TSHZ2: variants seen among roughly 807,000 people sequenced by gnomAD.
The protein encoded by TSHZ2 is teashirt zinc finger homeobox 2.
In TSHZ2, 21 loss-of-function variants were observed where a neutral mutation model predicts 74.4. The observed-to-expected ratio is 0.28, with a 90% confidence interval of 0.20 to 0.41. TSHZ2 has a LOEUF of 0.41. Ranked by LOEUF, TSHZ2 falls within the 10% of genes least tolerant of loss-of-function variation. TSHZ2 has a pLI of 1.00. For synonymous variants in TSHZ2, 540 were observed against 515.3 expected (o/e 1.05, Z -0.65); for missense variants, 1,244 against 1,293.5 (o/e 0.96, Z 0.59).
At chr20:53,108,698 A>G (rs569609694) in intron 1 of TSHZ2, among the ~76,000 whole-genome samples, 2 of 152,346 alleles carry the variant, frequency 1.3e-5, no homozygotes, top group South Asian at 2.1e-4. Flanking sequence ...TTATTTCTAG[A>G]TGATTAATCT....
intron 1 of TSHZ2, among the ~76,000 whole-genome samples, chr20:53,079,794 A>G (rs1568749491): frequency 6.6e-6 from 1 of 151,206 alleles, no homozygotes. Context: ...GATAGCTACT[A>G]TAGCTACTAG....
intron 1 of TSHZ2, among the ~76,000 whole-genome samples, chr20:53,047,412 G>T (rs1984266917): frequency 6.6e-6 from 1 of 152,138 alleles, no homozygotes; most frequent in Admixed American, 6.5e-5. Flanking sequence ...GGCTGCCCTG[G>T]ATTCTACCAT....
chr20:53,374,923 G>GA (rs11475187), intron 2 of TSHZ2, among the ~76,000 whole-genome samples: 1,310 of 123,302 alleles, frequency 0.011, 10 homozygotes, highest in African/African-American at 0.023. Context: ...CTGTTGATAT[G>GA]AAAAAAAAAA....
chr20:53,463,142 A>C (rs1342695850), intron 2 of TSHZ2, among the ~76,000 whole-genome samples: 2 of 152,194 alleles, frequency 1.3e-5, no homozygotes, highest in Non-Finnish European at 2.9e-5. Flanking sequence ...GATTGTACAT[A>C]AGATTTGCTG....
At chr20:53,447,576 G>T (rs1236062126) in intron 2 of TSHZ2, among the ~76,000 whole-genome samples, 1 of 152,168 alleles carries the variant, frequency 6.6e-6, no homozygotes, top group African/African-American at 2.4e-5. Flanking sequence ...CGCTGTTTCA[G>T]GACCTAACTT....
intron 2 of TSHZ2, among the ~76,000 whole-genome samples, chr20:53,280,166 G>A (rs147104060): frequency 6.6e-6 from 1 of 152,290 alleles, no homozygotes; most frequent in African/African-American, 2.4e-5. Context: ...GTGTGTGAAT[G>A]TACCTTTCCT....
chr20:53,356,003 A>T (rs1980832409), intron 2 of TSHZ2, among the ~76,000 whole-genome samples: 1 of 152,204 alleles, frequency 6.6e-6, no homozygotes, highest in South Asian at 2.1e-4. Context: ...TATGTTGAGC[A>T]AAGTTTAGAG....
At chr20:53,101,374 T>TA (rs1230479512) in intron 1 of TSHZ2, among the ~76,000 whole-genome samples, 1 of 152,206 alleles carries the variant, frequency 6.6e-6, no homozygotes, top group Admixed American at 6.5e-5. Flanking sequence ...TCCTATCACT[T>TA]ACGTCAATTT....
intron 1 of TSHZ2, among the ~76,000 whole-genome samples, chr20:53,084,068 C>G (rs960858624): frequency 6.6e-6 from 1 of 152,002 alleles, no homozygotes; most frequent in African/African-American, 2.4e-5. Flanking sequence ...CACAGAATAG[C>G]CACTAATCAA....
At chr20:53,035,138 T>G (rs1983773404) in intron 1 of TSHZ2, among the ~76,000 whole-genome samples, 1 of 152,202 alleles carries the variant, frequency 6.6e-6, no homozygotes, top group Non-Finnish European at 1.5e-5. Context: ...ACCTGGCCTC[T>G]GTCAGCCCAC....
At chr20:53,270,361 C>T (rs1990810208) in intron 2 of TSHZ2, among the ~76,000 whole-genome samples, 1 of 152,046 alleles carries the variant, frequency 6.6e-6, no homozygotes, top group East Asian at 1.9e-4. Flanking sequence ...CTGCTAGGGC[C>T]TTATGTATCC....
chr20:53,357,313 G>T (rs1436865318), intron 2 of TSHZ2, among the ~76,000 whole-genome samples: 1 of 151,782 alleles, frequency 6.6e-6, no homozygotes, highest in Non-Finnish European at 1.5e-5. Context: ...CTTATAATCT[G>T]GGCTTACTTG....
chr20:52,986,032 C>T (rs1471697587), intron 1 of TSHZ2, among the ~76,000 whole-genome samples: 1 of 152,070 alleles, frequency 6.6e-6, no homozygotes, highest in Non-Finnish European at 1.5e-5. Flanking sequence ...CACCTCTCAC[C>T]CTTGTTTGTC....
At chr20:53,231,739 A>G (rs1381379015) in intron 1 of TSHZ2, among the ~76,000 whole-genome samples, 3 of 152,082 alleles carry the variant, frequency 2.0e-5, no homozygotes, top group African/African-American at 7.2e-5. Context: ...CTCAACCTCT[A>G]CGGGAACACA....
chr20:53,472,967 A>G (rs139803515), intron 2 of TSHZ2, among the ~76,000 whole-genome samples: 3,569 of 151,964 alleles, frequency 0.023, 127 homozygotes, highest in African/African-American at 0.081. Flanking sequence ...AAAACGGCGC[A>G]CCACGAGATT....
At chr20:53,413,608 A>G (rs1983131411) in intron 2 of TSHZ2, among the ~76,000 whole-genome samples, 1 of 152,218 alleles carries the variant, frequency 6.6e-6, no homozygotes, top group South Asian at 2.1e-4. Context: ...ATATGGGTAA[A>G]GCACTTAGAG....
chr20:53,475,477 C>T (rs1357529187), intron 2 of TSHZ2, among the ~76,000 whole-genome samples: 18 of 111,014 alleles, frequency 1.6e-4, no homozygotes, highest in East Asian at 3.1e-4. Flanking sequence ...AAAGACACAA[C>T]ATACCAGAAT....
At chr20:53,268,120 A>C (rs1990756128) in intron 2 of TSHZ2, among the ~76,000 whole-genome samples, 1 of 152,132 alleles carries the variant, frequency 6.6e-6, no homozygotes, top group African/African-American at 2.4e-5. Flanking sequence ...GTGGATTTGA[A>C]CTGAAGAATT....
At chr20:53,359,131 GT>G (rs1367515792) in intron 2 of TSHZ2, among the ~76,000 whole-genome samples, 1 of 152,052 alleles carries the variant, frequency 6.6e-6, no homozygotes, top group East Asian at 1.9e-4. Flanking sequence ...TAATCCAGTT[GT>G]TTTATAGACA....
Sources: gnomAD v4.1 joint callset for allele counts (sites outside exome capture counted in the v4.1 genomes callset) on GRCh38, gnomAD v4.1.1 for gene constraint, MANE v1.5 for transcripts, NCBI Gene and HGNC (gene_info 2026-07-23, HGNC 2026-07-21) for gene names.